The following CROCC2 variants were observed in gnomAD, a reference collection of about 807,000 sequenced individuals.
The protein encoded by CROCC2 is ciliary rootlet coiled-coil protein 2.
In CROCC2, 163 loss-of-function variants were observed where a neutral mutation model predicts 177.6. The observed-to-expected ratio is 0.92, with a 90% confidence interval of 0.81 to 1.05. The LOEUF is 1.05. CROCC2 is among the 50% of genes least tolerant of loss of function. CROCC2 has a pLI of 0.00. For synonymous variants in CROCC2, 904 were observed against 787.3 expected, an observed-to-expected ratio of 1.15 and a Z score of -2.48; for missense variants, 1,929 against 1,797.8, an observed-to-expected ratio of 1.07 and a Z score of -1.32.
At chr2:240,964,190 G>T in intron 21 of CROCC2, 1 of 560,806 alleles carries the variant, frequency 1.8e-6, no homozygotes, top group Non-Finnish European at 3.2e-6. Flanking sequence ...GATGTTGAGC[G>T]TCCGGGAGTG....
chr2:240,929,842 G>A, intron 5 of CROCC2: 2 of 485,626 alleles, frequency 4.1e-6, no homozygotes, highest in South Asian at 1.7e-5. Flanking sequence ...GTTCCTGAGA[G>A]TAGCTGGGGA....
chr2:240,965,130 C>T (rs947696638), intron 22 of CROCC2, among the ~76,000 whole-genome samples: 10 of 152,198 alleles, frequency 6.6e-5, no homozygotes, highest in South Asian at 2.1e-4. Flanking sequence ...GTGCCCACCC[C>T]GCCCCACCTG....
intron 28 of CROCC2, among the ~76,000 whole-genome samples, chr2:240,984,307 A>G (rs2059820893): frequency 6.6e-6 from 1 of 152,058 alleles, no homozygotes; most frequent in Admixed American, 6.5e-5. Context: ...ATGAAACCAG[A>G]CGGAGCAGAA....
In CROCC2 at chr2:240,959,435, GGA is replaced by G. The variant is rs1215989074; in HGVS notation, c.3086_3087del (p.Glu1029GlyfsTer2). On this transcript the variant is annotated frameshift_variant, in exon 20 of 32. Transcript: ENST00000690015. LOFTEE classifies it high-confidence loss of function. ...QDLAAERGDV[E>X]REAERLRAQL... Reference sequence around the variant, plus strand: ...ACCTAGCGGCTGAGCGGGGCGATGTGGAGAGAGAGGTGAGAGGCAGGGCTGGG... The same window carrying G: ...ACCTAGCGGCTGAGCGGGGCGATGTGGAGAGAGGTGAGAGGCAGGGCTGGG... 2.6e-6 allele frequency: 4 copies of G among 1,550,220 alleles called. No homozygotes were observed. Among genetic ancestry groups the G allele is most frequent in the South Asian group, 1.2e-5 (1 of 84,022 alleles).
At chr2:240,947,164 C>G (rs568661320) in intron 15 of CROCC2, among the ~76,000 whole-genome samples, 1 of 152,370 alleles carries the variant, frequency 6.6e-6, no homozygotes, top group African/African-American at 2.4e-5. Flanking sequence ...GCATGAGAAA[C>G]CTTGGAGTCT....
chr2:240,992,094 G>A (rs975227194), intron 31 of CROCC2, among the ~76,000 whole-genome samples: 1 of 152,244 alleles, frequency 6.6e-6, no homozygotes, highest in Non-Finnish European at 1.5e-5. Flanking sequence ...CTCCGGCTGG[G>A]TTGCTATGGA....
chr2:240,941,998 A>G (rs1392769072), intron 14 of CROCC2, among the ~76,000 whole-genome samples: 1 of 152,270 alleles, frequency 6.6e-6, no homozygotes, highest in Non-Finnish European at 1.5e-5. Context: ...AAAATGCAGC[A>G]TCAAGGCACA....
chr2:240,935,716 G>T (rs2059464987), intron 14 of CROCC2, 128 bp downstream of exon 14: 1 of 681,602 alleles, frequency 1.5e-6, no homozygotes, highest in African/African-American at 1.9e-5. Flanking sequence ...CTTGGTAACG[G>T]ATCAGGCCCA....
intron 14 of CROCC2, among the ~76,000 whole-genome samples, chr2:240,945,494 G>A (rs2059517896): frequency 6.6e-6 from 1 of 152,040 alleles, no homozygotes; most frequent in Non-Finnish European, 1.5e-5. Context: ...GTTCTTCTTG[G>A]CATCTCAATT....
rs915089733 is a variant in CROCC2, at chr2:240,966,230, G to A, written c.3967G>A (p.Asp1323Asn). 2.7e-5 allele frequency: 23 copies of A among 862,544 alleles called. No individual in the cohort carries two copies. Among genetic ancestry groups the A allele is most frequent in the East Asian group, 1.3e-4 (4 of 29,958 alleles). 53.4% of individuals were successfully genotyped at this position (862,544 alleles called of 1,614,324 possible). The change falls in exon 25 of 32, where the codon GAC (aspartate) becomes AAC (asparagine). Residue 1323 changes from aspartate to asparagine, a missense_variant. Asp to Asn is a conservative substitution (Grantham distance 23, BLOSUM62 1). Around this residue, in one of 3 missense-constraint regions of CROCC2, gnomAD observed 388 missense variants for 352.7 expected, o/e 1.10. Transcript: ENST00000690015. ...EQPGSPTKGS[D>N]SSQALPGQQG... ...TCCGCTGTCACCTCCCGCAGGCTCC[G>A]ACAGCTCCCAGGCTCTCCCTGGGCA...
In CROCC2 at chr2:240,932,226, C is replaced by T. The variant is rs2059436138; in HGVS notation, c.948-92C>T. ...CACCCAGCACCGGCAGGGGGGCCAC[C>T]GCACAAAGGAGTCCGGGCAGAGCCA... On this transcript the variant is annotated intron_variant, in intron 7 of 31. Coordinates refer to ENST00000690015, the MANE Select transcript of CROCC2 (RefSeq NM_001351305.2). 10 of 631,450 alleles carry T rather than the reference C, an allele frequency of 1.6e-5. 1 individual carries two copies. Among genetic ancestry groups the T allele is most frequent in the Middle Eastern group, 5.3e-4 (2 of 3,800 alleles). The allele number at this position is 631,450 out of a possible 1,614,324, so 39.1% of individuals were successfully genotyped here. A position where few individuals can be genotyped will look rare whatever the true frequency, so the allele number is the denominator to read the frequency against.
chr2:240,989,758 C>T lies in CROCC2; in HGVS notation c.4788C>T (p.Ala1596=). The change falls in exon 30 of 32, where the codon GCC becomes GCT. Residue 1596 remains alanine (A), a synonymous_variant. Transcript: ENST00000690015. ...LATEAERLHG[A]RPQATQALES... is the part of the protein sequence containing the mutation. ...CAGAGGCAGAGCGTCTCCATGGGGC[C>T]CGGCCGCAGGCCACGCAGGCCCTGG... 6.5e-7 allele frequency: 1 copy of T among 1,550,288 alleles called. No homozygotes were observed. The highest frequency in any genetic ancestry group is 8.7e-7 in the Non-Finnish European group (1 of 1,146,838).
intron 20 of CROCC2, 107 bp downstream of exon 20, chr2:240,959,551 T>G: frequency 8.1e-6 from 11 of 1,365,518 alleles, no homozygotes; most frequent in Admixed American, 2.6e-5. Flanking sequence ...AGAGAGGCTG[T>G]ACCACAGAGA....
rs1403105298 is a variant in CROCC2, at chr2:240,925,781, GA to G, written c.548del (p.Lys183ArgfsTer13). 8.4e-6 allele frequency: 6 copies of G among 716,976 alleles called. No individual in the cohort carries two copies. Among genetic ancestry groups the G allele is most frequent in the Admixed American group, 2.0e-5 (1 of 49,998 alleles). The allele number at this position is 716,976 out of a possible 1,614,324, so 44.4% of individuals were successfully genotyped here. On this transcript the variant is annotated frameshift_variant, in exon 5 of 32. Coordinates refer to ENST00000690015, the MANE Select transcript of CROCC2 (RefSeq NM_001351305.2). LOFTEE classifies it high-confidence loss of function. ...TGCGGGAGCAGCTGGAACATATGAA[GA>G]AGGCCAATGACGCGCTGGGCCGGGA... ...LLREQLEHMK[K>X]ANDALGRELA... is the part of the protein sequence containing the mutation.
At position 240,934,348 on chromosome 2, in the gene CROCC2, A is replaced by G; in HGVS notation, c.1664A>G (p.Gln555Arg). 1 of 1,548,582 alleles carries G rather than the reference A, an allele frequency of 6.5e-7. No individual in the cohort carries two copies. The highest frequency in any genetic ancestry group is 8.7e-7 in the Non-Finnish European group (1 of 1,146,870). ...ALETSQGRLQ[Q>R]LEEKVSGLRE... ...GGCCTCAGTCAAGGCCGCCTGCAGCAGCTGGAGGAGAAGGTCTCCGGGCTC... is the reference window on the plus strand; with the variant it reads ...GGCCTCAGTCAAGGCCGCCTGCAGCGGCTGGAGGAGAAGGTCTCCGGGCTC... Residue 555 changes from glutamine to arginine, a missense_variant, in exon 12 of 32, where the codon CAG (glutamine) becomes CGG (arginine). By Grantham distance (43) the Gln-to-Arg change is conservative. Transcript: ENST00000690015.
Position 240,965,617 on chromosome 2 carries a change from C to T in CROCC2, c.3604-19C>T. The stretch of plus-strand genomic sequence containing the variant: ...TCCTCACTGTCTCCCACGGGCGCAC[C>T]CCAACATCCCTCCTACAGGTCCTGG... On this transcript the variant is annotated intron_variant, in intron 23 of 31. Transcript: ENST00000690015. 3.2e-6 allele frequency: 5 copies of T among 1,550,122 alleles called. No homozygotes were observed. Among genetic ancestry groups the T allele is most frequent in the Non-Finnish European group, 4.4e-6 (5 of 1,146,730 alleles).
chr2:240,965,821 C>T lies in CROCC2; in HGVS notation c.3789C>T (p.Asp1263=), dbSNP rs933069626. 9.6e-6 allele frequency: 14 copies of T among 1,459,018 alleles called. No homozygotes were observed. Among genetic ancestry groups the T allele is most frequent in the African/African-American group, 8.6e-5 (6 of 69,978 alleles). The allele number at this position is 1,459,018 out of a possible 1,614,324, so 90.4% of individuals were successfully genotyped here. Residue 1263 remains aspartate, a synonymous_variant, in exon 24 of 32, where the codon GAC becomes GAT. Coordinates refer to ENST00000690015, the MANE Select transcript of CROCC2 (RefSeq NM_001351305.2). The part of the protein sequence containing the change: ...GVADALQARL[D]QACHRIHSLE... ...CTGATGCTCTCCAGGCTCGCCTGGA[C>T]CAGGCCTGTCACCGAATCCACAGCC... is the stretch of plus-strand genomic sequence containing the variant.
chr2:240,910,125 G>A (rs2059277996), intron 1 of CROCC2, among the ~76,000 whole-genome samples: 1 of 152,138 alleles, frequency 6.6e-6, no homozygotes, highest in Admixed American at 6.5e-5. Context: ...TGGATGTAAA[G>A]GGGCAGGCTT....
chr2:240,964,215 A>G (rs1458986167), intron 21 of CROCC2: 2 of 568,080 alleles, frequency 3.5e-6, no homozygotes, highest in Non-Finnish European at 6.3e-6. Flanking sequence ...AGAGAGGGGG[A>G]GACAGGGAGG....
Sources: allele counts gnomAD v4.1 joint callset (sites outside exome capture counted in the v4.1 genomes callset), GRCh38; gene constraint gnomAD v4.1.1; regional missense constraint gnomAD v4.1.1; transcripts MANE v1.5; gene names NCBI Gene and HGNC (gene_info 2026-07-23, HGNC 2026-07-21).